GREB1L: variants seen among roughly 807,000 people sequenced by gnomAD.
GREB1L encodes the protein GREB1 like retinoic acid receptor coactivator.
Under a neutral mutation model 200.8 loss-of-function variants are expected in GREB1L, and 17 were observed. That is an observed-to-expected ratio of 0.08 (90% CI 0.06 to 0.13). The LOEUF (loss-of-function observed/expected upper bound fraction) is 0.13, where lower values mean the gene tolerates loss of function less well. Among genes scored for constraint, GREB1L ranks in the 10% least tolerant of loss-of-function variants. The pLI is 1.00. For synonymous variants in GREB1L, 789 were observed against 893.0 expected, an observed-to-expected ratio of 0.88 and a Z score of 2.08; for missense variants, 1,657 against 2,367.7, an observed-to-expected ratio of 0.70 and a Z score of 6.23.
chr18:21,494,492 A>G (rs1354169478), intron 19 of GREB1L, among the ~76,000 whole-genome samples: 2 of 152,100 alleles, frequency 1.3e-5, no homozygotes, highest in African/African-American at 4.8e-5. Flanking sequence ...TTTTTATCCT[A>G]TTTTGTGCTT....
chr18:21,347,933 ATTTTTTTTTT>A (rs1171946736), intron 1 of GREB1L, among the ~76,000 whole-genome samples: 4 of 77,362 alleles, frequency 5.2e-5, no homozygotes, highest in East Asian at 3.1e-4. Context: ...CACTCGGCTA[ATTTTTTTTTT>A]TTTTTTTTTT....
intron 2 of GREB1L, among the ~76,000 whole-genome samples, chr18:21,375,957 C>T (rs2040054045): frequency 6.6e-6 from 1 of 152,078 alleles, no homozygotes; most frequent in Non-Finnish European, 1.5e-5. Context: ...TATTAACTGC[C>T]AGTAATGCCT....
intron 1 of GREB1L, among the ~76,000 whole-genome samples, chr18:21,262,244 TA>T (rs1209838338): frequency 2.6e-5 from 4 of 152,178 alleles, no homozygotes; most frequent in Non-Finnish European, 5.9e-5. Flanking sequence ...GCATCATTCT[TA>T]GGGGTAGTAA....
intron 1 of GREB1L, among the ~76,000 whole-genome samples, chr18:21,341,336 T>C (rs2039266560): frequency 6.6e-6 from 1 of 152,186 alleles, no homozygotes; most frequent in Admixed American, 6.5e-5. Flanking sequence ...CAGTTGAAAG[T>C]TTGTGGTGGG....
intron 2 of GREB1L, among the ~76,000 whole-genome samples, chr18:21,373,841 C>T (rs552211949): frequency 6.6e-6 from 1 of 152,116 alleles, no homozygotes; most frequent in Non-Finnish European, 1.5e-5. Context: ...TCCAAAGGAG[C>T]TCTTGCTTTT....
intron 15 of GREB1L, among the ~76,000 whole-genome samples, chr18:21,468,312 T>G (rs1189282536): frequency 6.6e-6 from 1 of 152,120 alleles, no homozygotes; most frequent in Admixed American, 6.5e-5. Context: ...ACAATCCCAC[T>G]TGCATGAAAT....
intron 1 of GREB1L, among the ~76,000 whole-genome samples, chr18:21,270,359 A>G (rs2144266584): frequency 6.6e-6 from 1 of 152,310 alleles, no homozygotes; most frequent in East Asian, 1.9e-4. Context: ...AATCCTTGTT[A>G]GGGCAAATAA....
At chr18:21,453,896 C>A (rs1397619191) in intron 14 of GREB1L, among the ~76,000 whole-genome samples, 1 of 152,160 alleles carries the variant, frequency 6.6e-6, no homozygotes, top group Non-Finnish European at 1.5e-5. Flanking sequence ...GTAGTGCCTT[C>A]CAGAAAAGCT....
chr18:21,299,049 G>A (rs1321382801), intron 1 of GREB1L, among the ~76,000 whole-genome samples: 1 of 151,836 alleles, frequency 6.6e-6, no homozygotes, highest in Non-Finnish European at 1.5e-5. Flanking sequence ...AGGCTGAGAC[G>A]GGCAGATCAC....
chr18:21,278,679 A>G (rs2038217345), intron 1 of GREB1L, among the ~76,000 whole-genome samples: 1 of 151,976 alleles, frequency 6.6e-6, no homozygotes, highest in Non-Finnish European at 1.5e-5. Flanking sequence ...CCAAAAAAAC[A>G]CCAGTCATGT....
At chr18:21,290,510 C>G (rs1157772507) in intron 1 of GREB1L, among the ~76,000 whole-genome samples, 2 of 152,068 alleles carry the variant, frequency 1.3e-5, no homozygotes, top group Non-Finnish European at 2.9e-5. Flanking sequence ...GTTTTTCCCC[C>G]CAAAACAAAT....
At position 21,525,002 on chromosome 18, in the gene GREB1L, T is replaced by A. The variant is rs932591207; in HGVS notation, c.*2181T>A. The A allele has an allele frequency of 2.6e-5, 1 of 38,214 alleles. No homozygotes were observed. The highest frequency in any genetic ancestry group is 6.8e-5 in the Non-Finnish European group (1 of 14,658). The allele number at this position is 38,214 out of a possible 1,614,324, so 2.4% of individuals were successfully genotyped here. ...AAAATTGCACAAGCACAGGACACCA[T>A]GATTTGTGTGTATATATATATATAT... is the stretch of plus-strand genomic sequence containing the variant. On this transcript the variant is annotated 3_prime_UTR_variant, in exon 33 of 33. Coordinates refer to ENST00000424526, the MANE Select transcript of GREB1L (RefSeq NM_001142966.3).
chr18:21,349,223 T>C (rs989582704), intron 1 of GREB1L, among the ~76,000 whole-genome samples: 7 of 152,126 alleles, frequency 4.6e-5, no homozygotes, highest in African/African-American at 1.2e-4. Flanking sequence ...CATCTAATTA[T>C]GTTATTTTTT....
intron 14 of GREB1L, among the ~76,000 whole-genome samples, chr18:21,452,918 A>G (rs1344092644): frequency 1.3e-5 from 2 of 152,220 alleles, no homozygotes; most frequent in African/African-American, 2.4e-5. Flanking sequence ...TATCATTTAT[A>G]TATTAGGATT....
In GREB1L at chr18:21,435,975, G is replaced by A. The variant is rs180980128; in HGVS notation, c.833-3546G>A. ...GAATGATAACAGGTTGCAGAAGAGA[G>A]GACAAATTAGAGAACTACTCGGGAA... On this transcript the variant is annotated intron_variant, in intron 7 of 32. Coordinates refer to ENST00000424526, the MANE Select transcript of GREB1L (RefSeq NM_001142966.3). 1.8e-3 allele frequency among the ~76,000 whole-genome samples: 275 copies of A among 152,152 alleles called. 2 individuals carry two copies. Among genetic ancestry groups the A allele is most frequent in the Non-Finnish European group, 2.4e-3 (165 of 68,010 alleles).
At position 21,500,003 on chromosome 18, in the gene GREB1L, G is replaced by T. The variant is rs1047040051; in HGVS notation, c.3666G>T (p.Arg1222=). The T allele has an allele frequency of 6.4e-7, 1 of 1,551,452 alleles. No homozygotes were observed. Among genetic ancestry groups the T allele is most frequent in the Non-Finnish European group, 8.7e-7 (1 of 1,146,986 alleles). The change falls in exon 22 of 33, where the codon CGG becomes CGT. Residue 1222 remains arginine, a synonymous_variant. Coordinates refer to ENST00000424526, the MANE Select transcript of GREB1L (RefSeq NM_001142966.3). ...PWPGQPIRGC[R]GPQAALPPVV... ...CGGGACAGCCCATCAGAGGCTGCCG[G>T]GGCCCACAGGCAGCCCTGCCACCAG...
intron 7 of GREB1L, among the ~76,000 whole-genome samples, chr18:21,429,897 A>G (rs544028339): frequency 6.6e-6 from 1 of 152,230 alleles, no homozygotes; most frequent in Non-Finnish European, 1.5e-5. Context: ...AAACAATAGC[A>G]ATTTATTTTC....
intron 1 of GREB1L, among the ~76,000 whole-genome samples, chr18:21,315,255 A>G (rs1388916949): frequency 1.3e-5 from 2 of 152,040 alleles, no homozygotes; most frequent in African/African-American, 2.4e-5. Context: ...ATGTGCAGCT[A>G]ATTTTTAAAT....
intron 1 of GREB1L, among the ~76,000 whole-genome samples, chr18:21,326,636 A>G (rs978393912): frequency 1.3e-5 from 2 of 152,242 alleles, no homozygotes; most frequent in African/African-American, 4.8e-5. Flanking sequence ...TTTTGTTTAC[A>G]TTTGTAACAC....
Sources: gnomAD v4.1 joint callset for allele counts (sites outside exome capture counted in the v4.1 genomes callset) on GRCh38, gnomAD v4.1.1 for gene constraint, MANE v1.5 for transcripts, NCBI Gene and HGNC (gene_info 2026-07-23, HGNC 2026-07-21) for gene names.